Variants in CHST11 observed in about 807,000 individuals in gnomAD.
CHST11 encodes the protein carbohydrate sulfotransferase 11, also known as C4S-1.
CHST11 carries 9 observed loss-of-function variants against 30.4 expected under a neutral mutation model. That is an observed-to-expected ratio of 0.30 (90% CI 0.18 to 0.52). CHST11 has a LOEUF of 0.52. CHST11 is among the 20% of genes least tolerant of loss of function. CHST11 has a pLI of 0.97. For missense variants in CHST11, 348 were observed against 460.6 expected (o/e 0.76, Z 2.24); for synonymous variants, 152 against 187.8 (o/e 0.81, Z 1.56).
intron 1 of CHST11, among the ~76,000 whole-genome samples, chr12:104,486,945 G>T (rs2037685154): frequency 6.6e-6 from 1 of 152,192 alleles, no homozygotes; most frequent in African/African-American, 2.4e-5. Context: ...CTTTTATAAA[G>T]AGGCATGCCC....
intron 1 of CHST11, among the ~76,000 whole-genome samples, chr12:104,507,259 C>T (rs928437380): frequency 7.2e-5 from 11 of 152,286 alleles, no homozygotes; most frequent in African/African-American, 2.2e-4. Context: ...CTGGAGAGGG[C>T]GAATGCTGCC....
rs1304922444 is a variant in CHST11, at chr12:104,580,088, C to G, written c.119-21818C>G. Among the ~76,000 whole-genome samples, 5 of 152,188 alleles carry G rather than the reference C, an allele frequency of 3.3e-5. No individual in the cohort carries two copies. In the South Asian group the frequency reaches 1.0e-3, roughly 31 times the overall value. ...AGGCCTGAACTTTCAATAAAAGCGT[C>G]GTCTTTTTGCTTTCAAGGCCCTTCA... On this transcript the variant is annotated intron_variant, in intron 1 of 2. Coordinates refer to ENST00000303694, the MANE Select transcript of CHST11 (RefSeq NM_018413.6).
intron 2 of CHST11, among the ~76,000 whole-genome samples, chr12:104,740,649 G>C (rs1471351619): frequency 6.6e-6 from 1 of 152,174 alleles, no homozygotes; most frequent in Non-Finnish European, 1.5e-5. Context: ...GGGTTCTAAG[G>C]ACTCTGAGAT....
intron 1 of CHST11, among the ~76,000 whole-genome samples, chr12:104,573,727 T>G (rs1221532349): frequency 6.6e-6 from 1 of 152,206 alleles, no homozygotes; most frequent in Admixed American, 6.5e-5. Flanking sequence ...GATTAAAGAC[T>G]TAAATGTTAG....
intron 2 of CHST11, among the ~76,000 whole-genome samples, chr12:104,726,781 G>A (rs901091540): frequency 1.3e-5 from 2 of 152,126 alleles, no homozygotes; most frequent in African/African-American, 4.8e-5. Flanking sequence ...ATTTTAACTG[G>A]GCTTAGATGT....
At chr12:104,480,207 C>G (rs190658118) in intron 1 of CHST11, among the ~76,000 whole-genome samples, 2 of 152,076 alleles carry the variant, frequency 1.3e-5, no homozygotes, top group South Asian at 2.1e-4. Context: ...CCCGCCCCCC[C>G]CTCCAAATTC....
intron 1 of CHST11, among the ~76,000 whole-genome samples, chr12:104,567,089 A>G (rs2038575025): frequency 6.6e-6 from 1 of 152,220 alleles, no homozygotes; most frequent in Non-Finnish European, 1.5e-5. Context: ...TATCAGGACC[A>G]ATTTGCAAAA....
intron 1 of CHST11, among the ~76,000 whole-genome samples, chr12:104,460,663 CAAA>C (rs10570106): frequency 5.6e-4 from 70 of 124,442 alleles, no homozygotes; most frequent in Admixed American, 8.8e-4. Flanking sequence ...AACTGTGTCT[CAAA>C]AAAAAAAAAA....
At chr12:104,606,182 G>A (rs1430400076) in intron 2 of CHST11, among the ~76,000 whole-genome samples, 1 of 134,942 alleles carries the variant, frequency 7.4e-6, no homozygotes, top group South Asian at 2.9e-4. Context: ...GGGCGGGGGG[G>A]GGAATGGCTC....
At chr12:104,695,600 C>A (rs1393390028) in intron 2 of CHST11, among the ~76,000 whole-genome samples, 2 of 152,194 alleles carry the variant, frequency 1.3e-5, no homozygotes, top group Non-Finnish European at 2.9e-5. Context: ...CCAGACATTT[C>A]TATCTTACCT....
intron 1 of CHST11, among the ~76,000 whole-genome samples, chr12:104,537,757 G>T (rs2038251183): frequency 7.4e-6 from 1 of 135,258 alleles, no homozygotes; most frequent in Non-Finnish European, 1.5e-5. Context: ...GTGCAGTGAT[G>T]CCATCATGGC....
At chr12:104,575,815 C>T (rs767847307) in intron 1 of CHST11, among the ~76,000 whole-genome samples, 2 of 152,050 alleles carry the variant, frequency 1.3e-5, no homozygotes, top group Admixed American at 6.5e-5. Context: ...TTTCCTACTT[C>T]GGCAGTGCTC....
At chr12:104,587,979 G>T (rs1043025002) in intron 1 of CHST11, among the ~76,000 whole-genome samples, 2 of 151,714 alleles carry the variant, frequency 1.3e-5, no homozygotes, top group African/African-American at 4.8e-5. Flanking sequence ...GTTCAATTAA[G>T]TCTTTCATAT....
chr12:104,457,311 G>A lies in CHST11; in HGVS notation c.-101G>A. 1 of 763,050 alleles carries A rather than the reference G, an allele frequency of 1.3e-6. No individual in the cohort carries two copies. The highest frequency in any genetic ancestry group is 2.7e-5 in the East Asian group (1 of 37,554). 47.3% of individuals were successfully genotyped at this position (763,050 alleles called of 1,614,324 possible). A position where few individuals can be genotyped will look rare whatever the true frequency, so the allele number is the denominator to read the frequency against. ...CTCCCTCTGAGCCTTGCTCAGCTCT[G>A]CCCCGCGCCTCCCGGGCTCCGGTCC... is the stretch of plus-strand genomic sequence containing the variant. On this transcript the variant is annotated 5_prime_UTR_variant, in exon 1 of 3. Coordinates refer to ENST00000303694, the MANE Select transcript of CHST11 (RefSeq NM_018413.6).
chr12:104,460,165 G>T (rs749035341), intron 1 of CHST11, among the ~76,000 whole-genome samples: 1 of 152,168 alleles, frequency 6.6e-6, no homozygotes, highest in Admixed American at 6.5e-5. Context: ...TGATCCTTCA[G>T]CCTGGCTCTG....
At chr12:104,525,719 A>G (rs987320605) in intron 1 of CHST11, among the ~76,000 whole-genome samples, 25 of 152,318 alleles carry the variant, frequency 1.6e-4, no homozygotes, top group African/African-American at 6.0e-4. Flanking sequence ...AAGAGATTAG[A>G]TAGTTAACAA....
chr12:104,505,392 C>A (rs1016602210), intron 1 of CHST11, among the ~76,000 whole-genome samples: 1 of 152,104 alleles, frequency 6.6e-6, no homozygotes, highest in East Asian at 1.9e-4. Context: ...GCTAAGCAAC[C>A]CTATTCTAGA....
At chr12:104,659,243 T>C (rs2039574354) in intron 2 of CHST11, among the ~76,000 whole-genome samples, 1 of 152,242 alleles carries the variant, frequency 6.6e-6, no homozygotes, top group African/African-American at 2.4e-5. Context: ...GCAAGTGATG[T>C]AGCCTCTCTG....
chr12:104,625,554 C>T (rs570666747), intron 2 of CHST11, among the ~76,000 whole-genome samples: 2 of 152,362 alleles, frequency 1.3e-5, no homozygotes, highest in South Asian at 4.1e-4. Context: ...ATCCGCCCGC[C>T]TTGGCCTCCC....
Sources: allele counts gnomAD v4.1 joint callset (sites outside exome capture counted in the v4.1 genomes callset), GRCh38; gene constraint gnomAD v4.1.1; transcripts MANE v1.5; gene names NCBI Gene and HGNC (gene_info 2026-07-23, HGNC 2026-07-21).